The following ARHGEF33 variants were observed in gnomAD, a reference collection of about 807,000 sequenced individuals.
The protein encoded by ARHGEF33 is DH and coiled-coil domain-containing protein ENSP00000381780.
A neutral mutation model predicts 101.9 loss-of-function variants in ARHGEF33; 72 were observed. The ratio of observed to expected loss-of-function variants is 0.71; its 90% CI spans 0.58 to 0.86. The LOEUF is 0.86. ARHGEF33 is among the 40% of genes least tolerant of loss of function. The pLI is 0.00. For synonymous variants in ARHGEF33, 499 were observed against 442.5 expected (o/e 1.13, Z -1.60); for missense variants, 1,169 against 1,111.3 (o/e 1.05, Z -0.74).
intron 16 of ARHGEF33, among the ~76,000 whole-genome samples, chr2:38,965,362 A>T (rs1668030256): frequency 6.6e-6 from 1 of 152,368 alleles, no homozygotes; most frequent in East Asian, 1.9e-4. Flanking sequence ...GTCACAAAAG[A>T]TACAGCCTTA....
At chr2:38,950,761 T>C (rs1178978913) in intron 10 of ARHGEF33, among the ~76,000 whole-genome samples, 2 of 152,224 alleles carry the variant, frequency 1.3e-5, no homozygotes, top group Non-Finnish European at 2.9e-5. Flanking sequence ...CAATACACAT[T>C]TGTATAGAAG....
intron 10 of ARHGEF33, among the ~76,000 whole-genome samples, chr2:38,949,374 T>A (rs925893200): frequency 1.3e-5 from 2 of 152,120 alleles, no homozygotes; most frequent in Admixed American, 6.5e-5. Flanking sequence ...ATCCTTGCTG[T>A]AACCCAAAAA....
chr2:38,914,137 C>CA (rs1490884322), intron 2 of ARHGEF33, among the ~76,000 whole-genome samples: 1 of 152,122 alleles, frequency 6.6e-6, no homozygotes, highest in African/African-American at 2.4e-5. Flanking sequence ...GGTATTCAGG[C>CA]AATGAATATT....
chr2:38,964,997 A>T (rs1185130357), intron 16 of ARHGEF33, among the ~76,000 whole-genome samples: 2 of 151,958 alleles, frequency 1.3e-5, no homozygotes, highest in African/African-American at 4.8e-5. Context: ...AATCTCAGAG[A>T]ATTTCTGTAT....
In ARHGEF33 at chr2:38,966,002, C is replaced by T. The variant is rs1283419899; in HGVS notation, c.2344-4C>T. ...AGAAAAAAATCCCTCTTTTTTGTTT[C>T]CAGGAGATGCATTTAGAAGATACTA... On this transcript the variant is annotated splice_polypyrimidine_tract_variant and splice_region_variant and intron_variant, in intron 16 of 17. Coordinates refer to ENST00000409978, the MANE Select transcript of ARHGEF33 (RefSeq NM_001145451.5). The T allele has an allele frequency of 1.3e-6, 2 of 1,545,780 alleles. No individual in the cohort carries two copies. Among genetic ancestry groups the T allele is most frequent in the African/African-American group, 2.8e-5 (2 of 72,326 alleles).
chr2:38,960,452 C>G lies in ARHGEF33; in HGVS notation c.2147C>G (p.Pro716Arg). 6.7e-7 allele frequency: 1 copy of G among 1,493,670 alleles called. No homozygotes were observed. The highest frequency in any genetic ancestry group is 1.5e-5 in the African/African-American group (1 of 68,594). 92.5% of individuals were successfully genotyped at this position (1,493,670 alleles called of 1,614,324 possible). A position where few individuals can be genotyped will look rare whatever the true frequency, so the allele number is the denominator to read the frequency against. Residue 716 changes from proline to arginine, a missense_variant, in exon 16 of 18, where the codon CCG (proline) becomes CGG (arginine). Physicochemically the swap from Pro to Arg is moderately radical, Grantham distance 103. Coordinates refer to ENST00000409978, the MANE Select transcript of ARHGEF33 (RefSeq NM_001145451.5). ...SRSLKEFPRA[P>R]PADGVAPRLY... Reference sequence around the variant, plus strand: ...TCTCTCAAAGAGTTCCCGCGTGCGCCGCCAGCCGACGGCGTGGCCCCACGC... The same window carrying G: ...TCTCTCAAAGAGTTCCCGCGTGCGCGGCCAGCCGACGGCGTGGCCCCACGC...
intron 10 of ARHGEF33, among the ~76,000 whole-genome samples, chr2:38,949,487 A>G (rs1037840124): frequency 3.3e-5 from 5 of 151,398 alleles, no homozygotes; most frequent in Non-Finnish European, 5.9e-5. Flanking sequence ...ATGATTCTCT[A>G]TCTCTCCTCT....
At chr2:38,951,803 T>A (rs1667614136) in intron 11 of ARHGEF33, among the ~76,000 whole-genome samples, 1 of 152,134 alleles carries the variant, frequency 6.6e-6, no homozygotes, top group Non-Finnish European at 1.5e-5. Flanking sequence ...CAATTTTCAT[T>A]CCTTGGAGAT....
intron 2 of ARHGEF33, among the ~76,000 whole-genome samples, chr2:38,899,104 T>G (rs763501418): frequency 6.6e-6 from 1 of 152,108 alleles, no homozygotes; most frequent in Admixed American, 6.6e-5. Context: ...GGGAAAGAAA[T>G]AATTGATTAT....
intron 16 of ARHGEF33, among the ~76,000 whole-genome samples, chr2:38,962,413 A>G (rs1429933752): frequency 1.3e-5 from 2 of 152,236 alleles, no homozygotes; most frequent in East Asian, 3.8e-4. Flanking sequence ...GGCAAAAACC[A>G]TTAATCAGAA....
chr2:38,940,391 G>A (rs143106119), intron 9 of ARHGEF33, among the ~76,000 whole-genome samples: 1 of 150,610 alleles, frequency 6.6e-6, no homozygotes, highest in East Asian at 1.9e-4. Flanking sequence ...AGCCTCCCAG[G>A]TAGTTGGCAC....
intron 1 of ARHGEF33, among the ~76,000 whole-genome samples, chr2:38,891,089 A>C (rs1419969520): frequency 1.3e-5 from 2 of 150,758 alleles, no homozygotes; most frequent in Non-Finnish European, 3.0e-5. Context: ...GCACACCACC[A>C]CACCCGGCTA....
At chr2:38,933,227 T>C (rs532686258) in intron 7 of ARHGEF33, among the ~76,000 whole-genome samples, 2 of 152,292 alleles carry the variant, frequency 1.3e-5, no homozygotes, top group African/African-American at 2.4e-5. Context: ...ATGGGGCATC[T>C]ATACCAAGCT....
At chr2:38,960,769 G>T in intron 16 of ARHGEF33, 121 bp downstream of exon 16, 1 of 850,118 alleles carries the variant, frequency 1.2e-6, no homozygotes. Context: ...GGGGGCGGCT[G>T]CGCGAGCCGT....
rs1273471402 is a variant in ARHGEF33, at chr2:38,960,586, A to G, written c.2281A>G (p.Arg761Gly). The G allele has an allele frequency of 2.2e-6, 3 of 1,382,696 alleles. No individual in the cohort carries two copies. Among genetic ancestry groups the G allele is most frequent in the African/African-American group, 1.5e-5 (1 of 65,200 alleles). The allele number at this position is 1,382,696 out of a possible 1,614,324, so 85.7% of individuals were successfully genotyped here. A position where few individuals can be genotyped will look rare whatever the true frequency, so the allele number is the denominator to read the frequency against. Residue 761 changes from arginine (R) to glycine (G), a missense_variant, in exon 16 of 18, where the codon AGG becomes GGG. Physicochemically the swap from Arg to Gly is moderately radical, Grantham distance 125. Coordinates refer to ENST00000409978, the MANE Select transcript of ARHGEF33 (RefSeq NM_001145451.5). ...AAAVAARGAS[R>G]TFFPQQRSQS... ...CGCCGTCGCCGCCCGCGGCGCATCC[A>G]GGACCTTCTTCCCCCAACAGAGGTC...
rs1558441017 is a variant in ARHGEF33, at chr2:38,953,153, GT to G, written c.1054-5del. ...GTTCTTACCATGCATTTTTGTGTTT[GT>G]TTTAAAGAATAATTTCTTGGATTAT... On this transcript the variant is annotated splice_region_variant and splice_polypyrimidine_tract_variant and intron_variant, in intron 11 of 17. Coordinates refer to ENST00000409978, the MANE Select transcript of ARHGEF33 (RefSeq NM_001145451.5). 7.1e-7 allele frequency: 1 copy of G among 1,400,170 alleles called. No individual in the cohort carries two copies. Among genetic ancestry groups the G allele is most frequent in the Non-Finnish European group, 9.9e-7 (1 of 1,008,888 alleles). The allele number at this position is 1,400,170 out of a possible 1,614,324, so 86.7% of individuals were successfully genotyped here.
At chr2:38,906,329 C>T (rs1240727408) in intron 2 of ARHGEF33, among the ~76,000 whole-genome samples, 1 of 152,020 alleles carries the variant, frequency 6.6e-6, no homozygotes, top group Admixed American at 6.6e-5. Flanking sequence ...TTATTCCTGT[C>T]CCAACTTGTT....
chr2:38,901,975 C>T (rs1214334000), intron 2 of ARHGEF33, among the ~76,000 whole-genome samples: 2 of 151,796 alleles, frequency 1.3e-5, no homozygotes, highest in Non-Finnish European at 2.9e-5. Flanking sequence ...ATTAGCTGGG[C>T]GTGTTGGCGG....
chr2:38,933,355 A>G (rs761885285), intron 7 of ARHGEF33, among the ~76,000 whole-genome samples: 5 of 151,900 alleles, frequency 3.3e-5, no homozygotes, highest in Non-Finnish European at 7.4e-5. Context: ...CGCTCAATAC[A>G]GAAGCCACAG....
Sources: gnomAD v4.1 joint callset for allele counts (sites outside exome capture counted in the v4.1 genomes callset) on GRCh38, gnomAD v4.1.1 for gene constraint, MANE v1.5 for transcripts, NCBI Gene and HGNC (gene_info 2026-07-23, HGNC 2026-07-21) for gene names.